THNSL1: variants seen among roughly 807,000 people sequenced by gnomAD.
THNSL1 encodes threonine synthase-like 1.
A neutral mutation model predicts 50.4 loss-of-function variants in THNSL1; 48 were observed. The ratio of observed to expected loss-of-function variants is 0.95; its 90% CI spans 0.76 to 1.21. THNSL1 has a LOEUF of 1.21. Among genes scored for constraint, THNSL1 ranks in the 50% most tolerant of loss-of-function variants. THNSL1 has a pLI of 0.00. For missense variants in THNSL1, 896 were observed against 871.7 expected (o/e 1.03, Z -0.35); for synonymous variants, 309 against 306.1 (o/e 1.01, Z -0.10).
the THNSL1 span, among the ~76,000 whole-genome samples, chr10:24,972,903 G>T: frequency 6.6e-6 from 1 of 152,132 alleles, no homozygotes; most frequent in African/African-American, 2.4e-5. Flanking sequence ...CCCAGTGAAT[G>T]CCTGAAACTG....
chr10:24,963,197 C>T, the THNSL1 span, among the ~76,000 whole-genome samples: 3 of 152,188 alleles, frequency 2.0e-5, no homozygotes, highest in Middle Eastern at 6.8e-3. Context: ...GGTATTTTGC[C>T]AAAGCTTAAG....
At chr10:25,012,818 A>T (rs1435047965), upstream of THNSL1, among the ~76,000 whole-genome samples, 1 of 152,054 alleles carries the variant, frequency 6.6e-6, no homozygotes, top group Admixed American at 6.6e-5. Context: ...ACTTTGGGGG[A>T]CTGTTGGGAA....
At chr10:24,986,084 ACCAAAACT>A in the THNSL1 span, among the ~76,000 whole-genome samples, 1 of 152,100 alleles carries the variant, frequency 6.6e-6, no homozygotes, top group South Asian at 2.1e-4. Flanking sequence ...CAAAAACAAA[ACCAAAACT>A]CCAAAACTTA....
chr10:24,969,917 G>C, the THNSL1 span, among the ~76,000 whole-genome samples: 3 of 152,182 alleles, frequency 2.0e-5, no homozygotes, highest in Non-Finnish European at 1.5e-5. Flanking sequence ...ACACGGAAAA[G>C]AAAAAGAGTC....
the THNSL1 span, among the ~76,000 whole-genome samples, chr10:24,953,810 G>A: frequency 6.8e-4 from 104 of 152,336 alleles, no homozygotes; most frequent in Middle Eastern, 6.8e-3. Context: ...TTATCAATCG[G>A]TTAATGACGT....
chr10:24,999,586 A>G, the THNSL1 span: 1 of 1,511,166 alleles, frequency 6.6e-7, no homozygotes, highest in Non-Finnish European at 9.0e-7. Flanking sequence ...TTATACTTCT[A>G]GTAAAAATTA....
Position 25,024,335 on chromosome 10 carries a change from A to G in THNSL1, c.1112A>G (p.Asn371Ser), listed in dbSNP as rs1309875033. 2 of 1,614,176 alleles carry G rather than the reference A, an allele frequency of 1.2e-6. No individual in the cohort carries two copies. The highest frequency in any genetic ancestry group is 8.5e-7 in the Non-Finnish European group (1 of 1,180,024). The change falls in exon 3 of 3, where the codon AAT becomes AGT. Residue 371 changes from asparagine to serine, a missense_variant. Physicochemically the swap from Asn to Ser is conservative, Grantham distance 46. Coordinates refer to ENST00000376356, the MANE Select transcript of THNSL1 (RefSeq NM_024838.5). Reference protein sequence around the residue: ...IFAHCIPPSCNYMILVATSGD... With the variant: ...IFAHCIPPSCSYMILVATSGD... The stretch of plus-strand genomic sequence containing the variant: ...GCACACTGTATCCCACCAAGTTGCA[A>G]TTATATGATACTTGTAGCTACTTCA...
the THNSL1 span, among the ~76,000 whole-genome samples, chr10:24,955,500 T>G: frequency 6.6e-6 from 1 of 152,232 alleles, no homozygotes; most frequent in Non-Finnish European, 1.5e-5. Flanking sequence ...CTACTGCATA[T>G]GATGATGAGA....
At chr10:24,965,533 T>C in the THNSL1 span, among the ~76,000 whole-genome samples, 96 of 152,350 alleles carry the variant, frequency 6.3e-4, no homozygotes, top group African/African-American at 2.2e-3. Flanking sequence ...TTTCTTCAAA[T>C]TTCCAAGTGC....
chr10:24,979,400 T>C, the THNSL1 span, among the ~76,000 whole-genome samples: 1 of 152,192 alleles, frequency 6.6e-6, no homozygotes, highest in Non-Finnish European at 1.5e-5. Context: ...ACCTGTGTCC[T>C]ACTCAGAGTC....
intron 1 of THNSL1, among the ~76,000 whole-genome samples, chr10:25,017,412 C>G (rs896313824): frequency 6.6e-6 from 1 of 152,116 alleles, no homozygotes; most frequent in Admixed American, 6.5e-5. Flanking sequence ...AGAGGCCACT[C>G]TGCCCGAAGG....
At chr10:24,972,518 A>AT in the THNSL1 span, among the ~76,000 whole-genome samples, 25 of 146,136 alleles carry the variant, frequency 1.7e-4, no homozygotes, top group African/African-American at 6.9e-4. Flanking sequence ...AAAAAAAAAA[A>AT]AATAAATAAT....
chr10:24,986,603 G>T, the THNSL1 span, among the ~76,000 whole-genome samples: 4 of 152,168 alleles, frequency 2.6e-5, no homozygotes, highest in African/African-American at 7.2e-5. Flanking sequence ...GATATCAAAG[G>T]TTTTTCATAG....
intron 2 of THNSL1, 148 bp from the exon 3 acceptor site, chr10:25,023,028 T>C (rs1364076964): frequency 2.0e-6 from 1 of 497,108 alleles, no homozygotes; most frequent in Non-Finnish European, 3.4e-6. Context: ...GGAATACTTT[T>C]TTTAATTCCA....
At chr10:25,014,148 A>C (rs910523217), upstream of THNSL1, among the ~76,000 whole-genome samples, 21 of 152,138 alleles carry the variant, frequency 1.4e-4, no homozygotes, top group African/African-American at 5.1e-4. Context: ...TTCATCTTCT[A>C]AGTTCTCATT....
the THNSL1 span, among the ~76,000 whole-genome samples, chr10:24,970,682 C>T: frequency 0.044 from 6,686 of 151,562 alleles, 386 homozygotes; most frequent in African/African-American, 0.13. Flanking sequence ...CACTGCACTC[C>T]AGCCTGGGTG....
chr10:25,024,753 CTT>C lies in THNSL1; in HGVS notation c.1532_1533del (p.Phe511TrpfsTer2). 1 of 1,614,068 alleles carries C rather than the reference CTT, an allele frequency of 6.2e-7. No individual in the cohort carries two copies. Among genetic ancestry groups the C allele is most frequent in the Middle Eastern group, 1.6e-4 (1 of 6,062 alleles). On this transcript the variant is annotated frameshift_variant, in exon 3 of 3. Coordinates refer to ENST00000376356, the MANE Select transcript of THNSL1 (RefSeq NM_024838.5). LOFTEE classifies it high-confidence loss of function. ...TCGATGTCTGTATTCCCACAGGAAA[CTT>C]TGGTAACATTTTAGCAGCAGTGTAT... ...PVDVCIPTGNFGNILAAVYAK... is the reference protein window; with the variant it reads ...PVDVCIPTGNXGNILAAVYAK...
rs777569581 is a variant in THNSL1, at chr10:25,024,824, C to G, written c.1601C>G (p.Ser534Cys). Residue 534 changes from serine (S) to cysteine (C), a missense_variant, in exon 3 of 3, where the codon TCT (serine) becomes TGT (cysteine). Physicochemically the swap from Ser to Cys is moderately radical, Grantham distance 112. Coordinates refer to ENST00000376356, the MANE Select transcript of THNSL1 (RefSeq NM_024838.5). ...GIPIRKFICA[S>C]NQNHVLTDFI... ...CCGATTCGAAAATTTATCTGTGCCT[C>G]TAATCAGAACCATGTTTTGACTGAT... is the stretch of plus-strand genomic sequence containing the variant. The G allele has an allele frequency of 6.2e-7, 1 of 1,614,136 alleles. No individual in the cohort carries two copies. Among genetic ancestry groups the G allele is most frequent in the Non-Finnish European group, 8.5e-7 (1 of 1,180,022 alleles).
chr10:25,024,688 G>C lies in THNSL1; in HGVS notation c.1465G>C (p.Asp489His), dbSNP rs150828849. The C allele has an allele frequency of 1.6e-5, 26 of 1,614,080 alleles. No individual in the cohort carries two copies. Among genetic ancestry groups the C allele is most frequent in the Admixed American group, 3.3e-5 (2 of 60,010 alleles). The change falls in exon 3 of 3, where the codon GAT (aspartate) becomes CAT (histidine). Residue 489 changes from aspartate (D) to histidine (H), a missense_variant. Asp to His is a moderately conservative substitution (Grantham distance 81). Coordinates refer to ENST00000376356, the MANE Select transcript of THNSL1 (RefSeq NM_024838.5). ...AGTTTATCATGCTTCCGCATATCTTGATCTTGTTAGTCAAGGATTTATTTC... is the reference window on the plus strand; with the variant it reads ...AGTTTATCATGCTTCCGCATATCTTCATCTTGTTAGTCAAGGATTTATTTC... ...QVVYHASAYL[D>H]LVSQGFISFG...
Sources: gnomAD v4.1 joint callset for allele counts (sites outside exome capture counted in the v4.1 genomes callset) on GRCh38, gnomAD v4.1.1 for gene constraint, MANE v1.5 for transcripts, NCBI Gene and HGNC (gene_info 2026-07-23, HGNC 2026-07-21) for gene names.